The following AHRR variants were observed in gnomAD, a reference collection of about 807,000 sequenced individuals.
The protein encoded by AHRR is ahR repressor.
In AHRR, 28 loss-of-function variants were observed where a neutral mutation model predicts 44.0. That is an observed-to-expected ratio of 0.64 (90% CI 0.47 to 0.87). AHRR has a LOEUF of 0.87. AHRR is among the 40% of genes least tolerant of loss of function. The probability of loss-of-function intolerance (pLI) is 0.00; values close to 1 mark genes in which losing one functional copy is unlikely to be tolerated. For synonymous variants in AHRR, 434 were observed against 407.0 expected (o/e 1.07, Z -0.80); for missense variants, 990 against 953.9 (o/e 1.04, Z -0.50).
chr5:363,501 C>T (rs1385864756), intron 3 of AHRR, among the ~76,000 whole-genome samples: 1 of 152,230 alleles, frequency 6.6e-6, no homozygotes, highest in Non-Finnish European at 1.5e-5. Context: ...GGATTTAAGA[C>T]ATCCCAGGCC....
chr5:426,387 GATGGATGA>G (rs1489465463), intron 7 of AHRR, among the ~76,000 whole-genome samples: 1 of 150,892 alleles, frequency 6.6e-6, no homozygotes, highest in South Asian at 2.1e-4. Context: ...CAGATGGAAA[GATGGATGA>G]ATGGATGGAT....
chr5:437,704 GC>G lies in AHRR; in HGVS notation c.*2871del, dbSNP rs1737150951. On this transcript the variant is annotated 3_prime_UTR_variant, in exon 11 of 11. Transcript: ENST00000684583. ...GGTGGGTTGCTGCCAGGCAGGCCACGCTGTGTTGACGCTGCACTCAGCACGT... is the reference window on the plus strand; with the variant it reads ...GGTGGGTTGCTGCCAGGCAGGCCACGTGTGTTGACGCTGCACTCAGCACGT... The G allele has an allele frequency of 6.6e-6, 1 of 152,380 alleles. No individual in the cohort carries two copies. 9.4% of individuals were successfully genotyped at this position (152,380 alleles called of 1,614,324 possible).
chr5:371,706 C>T (rs1451523927), intron 3 of AHRR, among the ~76,000 whole-genome samples: 11 of 152,206 alleles, frequency 7.2e-5, no homozygotes, highest in African/African-American at 2.4e-4. Flanking sequence ...AACCGACTCC[C>T]GTGGTCGCTG....
chr5:364,875 G>A (rs997728255), intron 3 of AHRR, among the ~76,000 whole-genome samples: 4 of 152,002 alleles, frequency 2.6e-5, no homozygotes, highest in Non-Finnish European at 5.9e-5. Context: ...TGATTTTGGG[G>A]TAAAAAGCAT....
In AHRR at chr5:424,916, G is replaced by A. The variant is rs376358852; in HGVS notation, c.708+939G>A. ...GTCCCAGAGCCCTGCCCACCTTGCAGACCCTCCAGGCACTGTGGTCCCCCT... is the reference window on the plus strand; with the variant it reads ...GTCCCAGAGCCCTGCCCACCTTGCAAACCCTCCAGGCACTGTGGTCCCCCT... On this transcript the variant is annotated intron_variant, in intron 7 of 10. Transcript: ENST00000684583. Among the ~76,000 whole-genome samples the A allele has an allele frequency of 2.1e-4, 32 of 152,346 alleles. 1 individual carries two copies. In the South Asian group the frequency reaches 6.2e-3, roughly 30 times the overall value.
intron 1 of AHRR, among the ~76,000 whole-genome samples, chr5:340,135 T>C (rs2126350439): frequency 6.6e-6 from 1 of 152,342 alleles, no homozygotes; most frequent in South Asian, 2.1e-4. Context: ...TTTACATTGG[T>C]AGATATACCA....
chr5:398,358 CCT>C (rs959386504), intron 4 of AHRR, among the ~76,000 whole-genome samples: 5 of 152,268 alleles, frequency 3.3e-5, no homozygotes, highest in African/African-American at 1.2e-4. Flanking sequence ...CACCTTAGCC[CCT>C]GATTGTCCGC....
At chr5:432,192 T>C (rs1485393451) in intron 8 of AHRR, 10 of 425,052 alleles carry the variant, frequency 2.4e-5, no homozygotes, top group African/African-American at 1.0e-4. Context: ...AATCATCCTA[T>C]GATTTTATCC....
At position 432,790 on chromosome 5, in the gene AHRR, C is replaced by A. The variant is rs72717420; in HGVS notation, c.971-16C>A. The A allele has an allele frequency of 0.18, 293,544 of 1,613,296 alleles. 29,247 individuals carry two copies. The highest frequency in any genetic ancestry group is 0.21 in the Admixed American group (12,824 of 59,912). ...CTCGCACCGTGACGGCTTCCCCCCC[C>A]TCTAAACCCCAACAGGAAGGAGCAG... On this transcript the variant is annotated splice_polypyrimidine_tract_variant and intron_variant, in intron 9 of 10. Transcript: ENST00000684583.
Position 433,838 on chromosome 5 carries a change from G to T in AHRR, c.1113-15G>T. On this transcript the variant is annotated splice_polypyrimidine_tract_variant and intron_variant, in intron 10 of 10. Transcript: ENST00000684583. The stretch of plus-strand genomic sequence containing the variant: ...CTTCAGCTGCTGTCAAATGGGCCCC[G>T]TCTTTTCTCTGCAGGGACAGGGAGG... 1 of 1,482,426 alleles carries T rather than the reference G, an allele frequency of 6.7e-7. No individual in the cohort carries two copies. The allele number at this position is 1,482,426 out of a possible 1,614,324, so 91.8% of individuals were successfully genotyped here.
At chr5:397,947 C>T (rs1170658403) in intron 4 of AHRR, among the ~76,000 whole-genome samples, 2 of 121,642 alleles carry the variant, frequency 1.6e-5, no homozygotes, top group African/African-American at 3.1e-5. Context: ...TGACCATCCA[C>T]GTAGCCCCTG....
At chr5:373,967 G>GC (rs1297548142) in intron 3 of AHRR, among the ~76,000 whole-genome samples, 1 of 151,566 alleles carries the variant, frequency 6.6e-6, no homozygotes, top group Non-Finnish European at 1.5e-5. Flanking sequence ...GGCACGCGAT[G>GC]CCGGGAGGGG....
intron 2 of AHRR, among the ~76,000 whole-genome samples, chr5:352,106 C>T (rs1742877431): frequency 6.6e-6 from 1 of 152,248 alleles, no homozygotes; most frequent in Non-Finnish European, 1.5e-5. Context: ...TACTGGCTGC[C>T]ATCTTTTCTT....
chr5:362,120 G>C (rs1235215337), intron 3 of AHRR, among the ~76,000 whole-genome samples: 1 of 152,192 alleles, frequency 6.6e-6, no homozygotes, highest in Non-Finnish European at 1.5e-5. Flanking sequence ...GCAGAGCTCT[G>C]ATCTGATGGG....
chr5:376,830 C>A, intron 4 of AHRR, 114 bp downstream of exon 4: 1 of 929,448 alleles, frequency 1.1e-6, no homozygotes. Context: ...CCAGGAGGCC[C>A]TTAGGTTGTG....
At chr5:346,625 T>G (rs2126378058) in intron 2 of AHRR, among the ~76,000 whole-genome samples, 1 of 152,282 alleles carries the variant, frequency 6.6e-6, no homozygotes, top group African/African-American at 2.4e-5. Context: ...GTCTCAACCC[T>G]TCCTGGCCCC....
chr5:376,557 A>AAAGATGTGAATGAATGAGAACC, intron 3 of AHRR, 53 bp from the exon 4 acceptor site: 2 of 1,423,184 alleles, frequency 1.4e-6, no homozygotes, highest in Admixed American at 2.3e-5. Flanking sequence ...AATGAAGAAG[A>AAAGATGTGAATGAATGAGAACC]GTGGCCAGGC....
chr5:437,771 A>C lies in AHRR; in HGVS notation c.*2937A>C, dbSNP rs1349302718. 1.3e-5 allele frequency: 2 copies of C among 152,408 alleles called. No homozygotes were observed. The highest frequency in any genetic ancestry group is 3.7e-4 in the East Asian group (2 of 5,338). The allele number at this position is 152,408 out of a possible 1,614,324, so 9.4% of individuals were successfully genotyped here. A position where few individuals can be genotyped will look rare whatever the true frequency, so the allele number is the denominator to read the frequency against. The stretch of plus-strand genomic sequence containing the variant: ...CGGTTTTGTGGTGTGGGGACCCTAC[A>C]GGAGGCTGCGGCCCTGAGAGCCTGG... On this transcript the variant is annotated 3_prime_UTR_variant, in exon 11 of 11. Coordinates refer to ENST00000684583, the MANE Select transcript of AHRR (RefSeq NM_001377236.1).
chr5:359,234 CCGGGCAG>C, intron 3 of AHRR, among the ~76,000 whole-genome samples: 1 of 39,194 alleles, frequency 2.6e-5, no homozygotes, highest in East Asian at 7.4e-4. Flanking sequence ...CGGAGTCCAC[CCGGGCAG>C]TCAGCGACTG....
Sources: gnomAD v4.1 joint callset for allele counts (sites outside exome capture counted in the v4.1 genomes callset) on GRCh38, gnomAD v4.1.1 for gene constraint, MANE v1.5 for transcripts, NCBI Gene and HGNC (gene_info 2026-07-23, HGNC 2026-07-21) for gene names.